C1QTNF3: variants seen among roughly 807,000 people sequenced by gnomAD.
C1QTNF3 encodes complement C1q tumor necrosis factor-related protein 3.
In C1QTNF3, 26 loss-of-function variants were observed where a neutral mutation model predicts 32.6. The observed-to-expected ratio is 0.80, with a 90% CI of 0.58 to 1.11. The LOEUF (loss-of-function observed/expected upper bound fraction) is 1.11, where lower values mean the gene tolerates loss of function less well. C1QTNF3 is among the 50% of genes least tolerant of loss of function. The pLI is 0.00. For missense variants in C1QTNF3, 362 were observed against 398.2 expected (o/e 0.91, Z 0.77); for synonymous variants, 155 against 146.0 (o/e 1.06, Z -0.44).
rs1055114794 is a variant in C1QTNF3 at position 34,033,967 on chromosome 5, G to C, written c.416-509C>G. Among the ~76,000 whole-genome samples the C allele has an allele frequency of 3.9e-5, 6 of 152,192 alleles. No homozygotes were observed. In the South Asian group the frequency reaches 1.2e-3, roughly 31 times the overall value. On this transcript the variant is annotated intron_variant, in intron 2 of 5. Coordinates refer to ENST00000382065, the MANE Select transcript of C1QTNF3 (RefSeq NM_181435.6). ...ACTTGAGCCCTAGAGTTTGAGACAAGCTTGAGCAATATGGTGAGATCCCAT... is the reference window on the plus strand; with the variant it reads ...ACTTGAGCCCTAGAGTTTGAGACAACCTTGAGCAATATGGTGAGATCCCAT...
chr5:34,028,739 A>G lies in C1QTNF3; in HGVS notation c.700+15T>C. On this transcript the variant is annotated intron_variant, in intron 4 of 5. Transcript: ENST00000382065. ...CATTGATTAACTCAATCTTCATCCT[A>G]TGTTTCCATCTCACCTGATACTGGG... 1.3e-6 allele frequency: 2 copies of G among 1,590,446 alleles called. No homozygotes were observed. The highest frequency in any genetic ancestry group is 1.7e-6 in the Non-Finnish European group (2 of 1,168,166).
chr5:34,172,923 G>C, the C1QTNF3 span, among the ~76,000 whole-genome samples: 8 of 152,174 alleles, frequency 5.3e-5, no homozygotes, highest in Non-Finnish European at 1.0e-4. Flanking sequence ...AAGCATTCTT[G>C]TATATCGAGG....
chr5:34,127,451 G>C, the C1QTNF3 span, among the ~76,000 whole-genome samples: 5 of 152,272 alleles, frequency 3.3e-5, no homozygotes, highest in African/African-American at 1.2e-4. Context: ...TTAGCAAAGA[G>C]ACTGGTGACA....
At chr5:34,056,454 G>GTGTATA in the C1QTNF3 span, among the ~76,000 whole-genome samples, 65 of 48,912 alleles carry the variant, frequency 1.3e-3, no homozygotes, top group Middle Eastern at 0.011. Context: ...GTGTGTGTGT[G>GTGTATA]TATATATATA....
At chr5:34,196,020 A>T in the C1QTNF3 span, among the ~76,000 whole-genome samples, 1 of 152,290 alleles carries the variant, frequency 6.6e-6, no homozygotes, top group African/African-American at 2.4e-5. Flanking sequence ...CCATGTGAGG[A>T]TACTGAGAGA....
intron 5 of C1QTNF3, among the ~76,000 whole-genome samples, chr5:34,021,736 G>T (rs1282678768): frequency 6.6e-6 from 1 of 152,184 alleles, no homozygotes; most frequent in African/African-American, 2.4e-5. Flanking sequence ...GACACATGGA[G>T]GGGAACATCA....
At chr5:34,134,445 C>A in the C1QTNF3 span, among the ~76,000 whole-genome samples, 1 of 152,092 alleles carries the variant, frequency 6.6e-6, no homozygotes, top group Admixed American at 6.6e-5. Context: ...TCTACACCAA[C>A]GTTCTGTTAA....
chr5:34,240,303 G>C, the C1QTNF3 span, among the ~76,000 whole-genome samples: 1 of 150,914 alleles, frequency 6.6e-6, no homozygotes, highest in Non-Finnish European at 1.5e-5. Flanking sequence ...GAATGAAATT[G>C]AGATGCAAAA....
the C1QTNF3 span, among the ~76,000 whole-genome samples, chr5:34,147,846 G>A: frequency 5.3e-5 from 8 of 152,278 alleles, no homozygotes; most frequent in Admixed American, 1.3e-4. Flanking sequence ...AAACAAGGGC[G>A]GGAGGAGCCA....
the C1QTNF3 span, among the ~76,000 whole-genome samples, chr5:34,091,727 T>G: frequency 6.6e-6 from 1 of 152,166 alleles, no homozygotes; most frequent in African/African-American, 2.4e-5. Context: ...TTTTCTAGCA[T>G]GATGTCTCGT....
At chr5:34,033,167 T>C in intron 3 of C1QTNF3, 137 bp downstream of exon 3, 1 of 906,366 alleles carries the variant, frequency 1.1e-6, no homozygotes. Flanking sequence ...CATCCTGTGA[T>C]GTAGATGAAC....
the C1QTNF3 span, among the ~76,000 whole-genome samples, chr5:34,235,170 T>C: frequency 6.6e-6 from 1 of 152,146 alleles, no homozygotes; most frequent in Non-Finnish European, 1.5e-5. Flanking sequence ...GCTGGGTTCC[T>C]TGTTTTTTAT....
chr5:34,120,978 C>T, the C1QTNF3 span, among the ~76,000 whole-genome samples: 1 of 152,190 alleles, frequency 6.6e-6, no homozygotes, highest in South Asian at 2.1e-4. Flanking sequence ...CTTGTCTCCC[C>T]TCAATTTTTA....
chr5:34,190,685 C>G, the C1QTNF3 span: 1 of 716,654 alleles, frequency 1.4e-6, no homozygotes, highest in South Asian at 1.5e-5. Context: ...ATGCCACCTC[C>G]CTTAGAGCTG....
chr5:34,091,062 A>G, the C1QTNF3 span, among the ~76,000 whole-genome samples: 2 of 152,158 alleles, frequency 1.3e-5, no homozygotes, highest in African/African-American at 2.4e-5. Flanking sequence ...ATTGTGCTGG[A>G]TGCGTGTATT....
At chr5:34,241,975 A>AGGAAGGAAGGAC in the C1QTNF3 span, among the ~76,000 whole-genome samples, 1 of 149,228 alleles carries the variant, frequency 6.7e-6, no homozygotes, top group Non-Finnish European at 1.5e-5. Flanking sequence ...GAAGGAAGGA[A>AGGAAGGAAGGAC]GGAAGGAAGG....
At chr5:34,217,696 A>G in the C1QTNF3 span, among the ~76,000 whole-genome samples, 3 of 152,262 alleles carry the variant, frequency 2.0e-5, no homozygotes, top group African/African-American at 7.2e-5. Flanking sequence ...TGTTAGTGAA[A>G]ATGAGACCAT....
the C1QTNF3 span, among the ~76,000 whole-genome samples, chr5:34,234,057 C>T: frequency 6.6e-6 from 1 of 152,086 alleles, no homozygotes; most frequent in Admixed American, 6.5e-5. Flanking sequence ...ACATTTCAAA[C>T]ACCTATCATA....
the C1QTNF3 span, among the ~76,000 whole-genome samples, chr5:34,238,848 A>G: frequency 6.6e-6 from 1 of 152,146 alleles, no homozygotes; most frequent in African/African-American, 2.4e-5. Context: ...CATATTCACC[A>G]AAGTAAATAC....
Sources: allele counts gnomAD v4.1 joint callset (sites outside exome capture counted in the v4.1 genomes callset), GRCh38; gene constraint gnomAD v4.1.1; transcripts MANE v1.5; gene names NCBI Gene and HGNC (gene_info 2026-07-23, HGNC 2026-07-21).